Variants in ATXN1 observed in about 807,000 individuals in gnomAD.
ATXN1 encodes the protein ataxin-1.
In ATXN1, 8 loss-of-function variants were observed where a neutral mutation model predicts 56.4. The ratio of observed to expected loss-of-function variants is 0.14; its 90% CI spans 0.08 to 0.26. ATXN1 has a LOEUF of 0.26. Ranked by LOEUF, ATXN1 falls within the 10% of genes least tolerant of loss-of-function variation. The pLI is 1.00. For missense variants in ATXN1, 987 were observed against 1,106.5 expected (o/e 0.89, Z 1.53); for synonymous variants, 514 against 494.6 (o/e 1.04, Z -0.52).
At chr6:16,396,923 T>C (rs1361731328) in intron 6 of ATXN1, among the ~76,000 whole-genome samples, 1 of 152,266 alleles carries the variant, frequency 6.6e-6, no homozygotes, top group Non-Finnish European at 1.5e-5. Context: ...CGTAACCCTA[T>C]GTCCAAGTTT....
intron 4 of ATXN1, among the ~76,000 whole-genome samples, chr6:16,582,645 CA>C (rs1762550549): frequency 1.3e-5 from 2 of 152,136 alleles, no homozygotes; most frequent in Non-Finnish European, 2.9e-5. Flanking sequence ...TGGAAACAAC[CA>C]AAAACTGCTG....
At chr6:16,384,215 TAAA>T (rs1758192493) in intron 6 of ATXN1, among the ~76,000 whole-genome samples, 1 of 152,264 alleles carries the variant, frequency 6.6e-6, no homozygotes, top group East Asian at 1.9e-4. Context: ...GTCAATGCTT[TAAA>T]AAATACTCAG....
intron 6 of ATXN1, among the ~76,000 whole-genome samples, chr6:16,333,132 G>C (rs780258680): frequency 2.6e-5 from 4 of 152,214 alleles, no homozygotes; most frequent in Non-Finnish European, 5.9e-5. Context: ...ATATTTAGGT[G>C]ATGCTCCACT....
chr6:16,698,174 C>T (rs1759206756), intron 2 of ATXN1, among the ~76,000 whole-genome samples: 1 of 152,230 alleles, frequency 6.6e-6, no homozygotes, highest in African/African-American at 2.4e-5. Context: ...ATTAACTACA[C>T]TCATTATTCA....
At chr6:16,427,817 C>A (rs1480619481) in intron 6 of ATXN1, among the ~76,000 whole-genome samples, 1 of 152,120 alleles carries the variant, frequency 6.6e-6, no homozygotes, top group East Asian at 1.9e-4. Context: ...AGAAAGCAGA[C>A]GCAGAAAGAT....
chr6:16,311,749 A>T (rs144906487), intron 7 of ATXN1, among the ~76,000 whole-genome samples: 1 of 152,370 alleles, frequency 6.6e-6, no homozygotes, highest in East Asian at 1.9e-4. Context: ...CATTAACAAC[A>T]TAAACTGAAC....
chr6:16,580,009 A>T (rs1762499519), intron 4 of ATXN1, among the ~76,000 whole-genome samples: 1 of 152,238 alleles, frequency 6.6e-6, no homozygotes, highest in South Asian at 2.1e-4. Flanking sequence ...TATTCTGAAG[A>T]GATGATCCTT....
intron 6 of ATXN1, among the ~76,000 whole-genome samples, chr6:16,394,404 A>C (rs765465735): frequency 1.9e-4 from 29 of 152,230 alleles, no homozygotes; most frequent in Non-Finnish European, 3.4e-4. Context: ...TTTAAAATTT[A>C]ATTTCATTTT....
rs953499674 is a variant in ATXN1, at chr6:16,566,660, T to C, written c.-361+19120A>G. ...CGAGGTCAGGAGATCAAGACCATCCTGGCGAACACTGTGAAACCCCGTCTC... is the reference window on the plus strand; with the variant it reads ...CGAGGTCAGGAGATCAAGACCATCCCGGCGAACACTGTGAAACCCCGTCTC... On this transcript the variant is annotated intron_variant, in intron 4 of 7. Transcript: ENST00000436367. Among the ~76,000 whole-genome samples the C allele has an allele frequency of 6.6e-5, 10 of 151,976 alleles. 1 individual carries two copies. Among genetic ancestry groups the C allele is most frequent in the South Asian group, 4.2e-4 (2 of 4,814 alleles).
chr6:16,418,032 T>C (rs1182313073), intron 6 of ATXN1, among the ~76,000 whole-genome samples: 2 of 152,184 alleles, frequency 1.3e-5, no homozygotes, highest in Admixed American at 6.5e-5. Context: ...AGGTAAAGCA[T>C]GTTGTTTGAG....
chr6:16,724,745 GTCAGGTTTGATTGCTGATATAGAA>G (rs1488684617), intron 2 of ATXN1, among the ~76,000 whole-genome samples: 3 of 152,212 alleles, frequency 2.0e-5, no homozygotes, highest in Admixed American at 6.5e-5. Context: ...CTGATATAGA[GTCAGGTTTGATTGCTGATATAGAA>G]TCAGGTTTGA....
chr6:16,514,720 A>G (rs571649019), intron 5 of ATXN1, among the ~76,000 whole-genome samples: 1 of 152,212 alleles, frequency 6.6e-6, no homozygotes, highest in East Asian at 1.9e-4. Flanking sequence ...CACTGTTATT[A>G]AAATAATATC....
At chr6:16,515,381 C>T (rs1257874718) in intron 5 of ATXN1, among the ~76,000 whole-genome samples, 1 of 152,166 alleles carries the variant, frequency 6.6e-6, no homozygotes, top group African/African-American at 2.4e-5. Context: ...CCCCACAGCA[C>T]TGCCCATTTA....
At chr6:16,405,979 C>T (rs771755698) in intron 6 of ATXN1, among the ~76,000 whole-genome samples, 1 of 152,118 alleles carries the variant, frequency 6.6e-6, no homozygotes, top group Non-Finnish European at 1.5e-5. Context: ...GTGTATGAAC[C>T]ATAGCATGTG....
intron 7 of ATXN1, among the ~76,000 whole-genome samples, chr6:16,325,722 GATCT>G (rs1308983322): frequency 6.6e-6 from 1 of 152,004 alleles, no homozygotes; most frequent in Non-Finnish European, 1.5e-5. Context: ...GTTGTCTGCT[GATCT>G]ATCTGTTGGC....
intron 2 of ATXN1, among the ~76,000 whole-genome samples, chr6:16,706,989 T>C (rs1214249779): frequency 6.6e-6 from 1 of 152,128 alleles, no homozygotes; most frequent in African/African-American, 2.4e-5. Context: ...AGATATACAA[T>C]TTTCTGTCAC....
intron 4 of ATXN1, among the ~76,000 whole-genome samples, chr6:16,553,733 C>T (rs750544803): frequency 3.9e-5 from 6 of 152,184 alleles, no homozygotes; most frequent in Non-Finnish European, 5.9e-5. Context: ...CCATGGCCCT[C>T]AACAGCCCAT....
chr6:16,486,212 T>G (rs1291391025), intron 5 of ATXN1, 103 bp from the exon 6 acceptor site: 2 of 152,212 alleles, frequency 1.3e-5, no homozygotes, highest in Non-Finnish European at 2.9e-5. Flanking sequence ...GACGAATTGA[T>G]AGTTCACCAA....
Position 16,406,570 on chromosome 6 carries a change from T to C in ATXN1, c.-160-78100A>G, listed in dbSNP as rs1348056531. 6.6e-5 allele frequency among the ~76,000 whole-genome samples: 10 copies of C among 152,376 alleles called. No individual in the cohort carries two copies. In the East Asian group the frequency reaches 1.5e-3, roughly 23 times the overall value. On this transcript the variant is annotated intron_variant, in intron 6 of 7. Transcript: ENST00000436367. ...TAGAAGCAAAATTTATTCAAAGACC[T>C]GTGCTAACATTCTTAAATATCTGCT...
Sources: allele counts gnomAD v4.1 joint callset (sites outside exome capture counted in the v4.1 genomes callset), GRCh38; gene constraint gnomAD v4.1.1; transcripts MANE v1.5; gene names NCBI Gene and HGNC (gene_info 2026-07-23, HGNC 2026-07-21).